The following SAMD12 variants were observed in gnomAD, a reference collection of about 807,000 sequenced individuals.
The protein encoded by SAMD12 is sterile alpha motif domain containing 12.
SAMD12 carries 9 observed loss-of-function variants against 15.0 expected under a neutral mutation model. The ratio of observed to expected loss-of-function variants is 0.60; its 90% CI spans 0.36 to 1.05. The LOEUF (loss-of-function observed/expected upper bound fraction) is 1.05, where lower values mean the gene tolerates loss of function less well. Among genes scored for constraint, SAMD12 ranks in the 50% least tolerant of loss-of-function variants. The pLI is 0.01. For missense variants in SAMD12, 230 were observed against 234.2 expected (o/e 0.98, Z 0.12); for synonymous variants, 86 against 90.1 (o/e 0.96, Z 0.25).
intron 1 of SAMD12, among the ~76,000 whole-genome samples, chr8:118,584,650 C>CA (rs1257272657): frequency 6.6e-6 from 1 of 152,014 alleles, no homozygotes; most frequent in Admixed American, 6.6e-5. Flanking sequence ...AGTTAAAAAC[C>CA]AAAATGAATT....
intron 1 of SAMD12, among the ~76,000 whole-genome samples, chr8:118,584,692 G>A (rs1243872150): frequency 3.3e-5 from 5 of 152,146 alleles, no homozygotes; most frequent in Non-Finnish European, 5.9e-5. Flanking sequence ...AAATTTAAGA[G>A]AGAAATGTTT....
chr8:118,536,945 T>C (rs1254156560), intron 2 of SAMD12, among the ~76,000 whole-genome samples: 1 of 152,250 alleles, frequency 6.6e-6, no homozygotes, highest in Non-Finnish European at 1.5e-5. Flanking sequence ...TCCCTTAGTA[T>C]TTCTTGTAGG....
At chr8:118,255,841 A>G in intron 4 of SAMD12, among the ~76,000 whole-genome samples, 1 of 152,104 alleles carries the variant, frequency 6.6e-6, no homozygotes. Flanking sequence ...TTATAGCAGC[A>G]TGATTTATAG....
chr8:118,308,325 A>G (rs1373196672), intron 4 of SAMD12, among the ~76,000 whole-genome samples: 1 of 152,162 alleles, frequency 6.6e-6, no homozygotes, highest in Non-Finnish European at 1.5e-5. Context: ...GATGATGACG[A>G]TGGCAATGAT....
intron 2 of SAMD12, among the ~76,000 whole-genome samples, chr8:118,554,396 A>G (rs1395761597): frequency 2.0e-5 from 3 of 152,066 alleles, no homozygotes; most frequent in Non-Finnish European, 4.4e-5. Context: ...ACATGGATGA[A>G]ATTGGAAATC....
chr8:118,146,663 T>C, the SAMD12 span, among the ~76,000 whole-genome samples: 1 of 152,220 alleles, frequency 6.6e-6, no homozygotes, highest in South Asian at 2.1e-4. Context: ...ACAAGACTCA[T>C]AGGTTTGGTT....
rs539347661 is a variant in SAMD12, at chr8:118,379,123, A to G, written c.*294T>C. The G allele has an allele frequency of 4.4e-6, 5 of 1,130,274 alleles. No individual in the cohort carries two copies. Among genetic ancestry groups the G allele is most frequent in the African/African-American group, 3.1e-5 (2 of 63,596 alleles). The allele number at this position is 1,130,274 out of a possible 1,614,324, so 70.0% of individuals were successfully genotyped here. Reference sequence around the variant, plus strand: ...AAAAACTCCACTTATATCACTGGTCATCGTAACTATTGAATCACTCAAATG... The same window carrying G: ...AAAAACTCCACTTATATCACTGGTCGTCGTAACTATTGAATCACTCAAATG... On this transcript the variant is annotated 3_prime_UTR_variant, in exon 4 of 4. Transcript: ENST00000314727.
At chr8:118,226,084 C>A (rs541270423) in intron 4 of SAMD12, among the ~76,000 whole-genome samples, 2 of 152,112 alleles carry the variant, frequency 1.3e-5, no homozygotes, top group African/African-American at 4.8e-5. Flanking sequence ...AGGCACTGTC[C>A]GAAGTGCTGG....
At chr8:118,416,955 A>G (rs1821728423) in intron 3 of SAMD12, among the ~76,000 whole-genome samples, 1 of 152,248 alleles carries the variant, frequency 6.6e-6, no homozygotes. Context: ...TGCAGCAGAT[A>G]AAAATTTCTG....
chr8:118,258,446 C>T (rs573637503), intron 4 of SAMD12, among the ~76,000 whole-genome samples: 104 of 147,308 alleles, frequency 7.1e-4, no homozygotes, highest in African/African-American at 2.7e-3. Context: ...ATGTTTCCTT[C>T]CACAATTATT....
intron 2 of SAMD12, among the ~76,000 whole-genome samples, chr8:118,550,046 G>C (rs923811443): frequency 6.6e-6 from 1 of 152,158 alleles, no homozygotes; most frequent in African/African-American, 2.4e-5. Flanking sequence ...CCAAATCTAC[G>C]ACTGATTGGT....
At chr8:118,362,316 G>A (rs1484605139) in intron 4 of SAMD12, among the ~76,000 whole-genome samples, 1 of 152,114 alleles carries the variant, frequency 6.6e-6, no homozygotes, top group South Asian at 2.1e-4. Context: ...AGTGTTAGGA[G>A]AGAATTAATT....
chr8:118,360,152 C>A (rs904500049), intron 4 of SAMD12, among the ~76,000 whole-genome samples: 1 of 152,178 alleles, frequency 6.6e-6, no homozygotes, highest in Non-Finnish European at 1.5e-5. Context: ...TCAACTCTTT[C>A]TCAACCTTTT....
At chr8:118,307,137 T>C (rs1452773760) in intron 4 of SAMD12, among the ~76,000 whole-genome samples, 1 of 152,226 alleles carries the variant, frequency 6.6e-6, no homozygotes, top group Non-Finnish European at 1.5e-5. Flanking sequence ...AGGCCATTAG[T>C]GTCCTAGTCT....
chr8:118,247,520 TG>T (rs1396393897), intron 4 of SAMD12, among the ~76,000 whole-genome samples: 1 of 152,112 alleles, frequency 6.6e-6, no homozygotes, highest in Non-Finnish European at 1.5e-5. Context: ...AACATCACAT[TG>T]TATTACATAA....
intron 2 of SAMD12, among the ~76,000 whole-genome samples, chr8:118,509,029 A>G (rs1825001862): frequency 6.6e-6 from 1 of 152,154 alleles, no homozygotes; most frequent in African/African-American, 2.4e-5. Context: ...GCCACTTGGG[A>G]GGCAAGAGGA....
At chr8:118,136,531 C>T in the SAMD12 span, among the ~76,000 whole-genome samples, 1 of 152,304 alleles carries the variant, frequency 6.6e-6, no homozygotes, top group African/African-American at 2.4e-5. Context: ...ATCCAATAGG[C>T]TATAGTTTTG....
At chr8:118,617,172 A>T (rs1034508441) in intron 1 of SAMD12, among the ~76,000 whole-genome samples, 6 of 152,244 alleles carry the variant, frequency 3.9e-5, no homozygotes, top group Admixed American at 6.5e-5. Context: ...TGATGTTTTT[A>T]TCTCCCATGT....
intron 4 of SAMD12, among the ~76,000 whole-genome samples, chr8:118,238,913 GT>G (rs1365788956): frequency 2.0e-5 from 3 of 152,020 alleles, no homozygotes; most frequent in Non-Finnish European, 4.4e-5. Context: ...TAGGAATACA[GT>G]TTTTTTCCTC....
Sources: gnomAD v4.1 joint callset for allele counts (sites outside exome capture counted in the v4.1 genomes callset) on GRCh38, gnomAD v4.1.1 for gene constraint, MANE v1.5 for transcripts, NCBI Gene and HGNC (gene_info 2026-07-23, HGNC 2026-07-21) for gene names.